Variants in ANKFY1 observed in about 807,000 individuals in gnomAD.
The protein encoded by ANKFY1 is ankyrin repeat and FYVE domain containing 1, also known as ankyrin repeat and FYVE domain-containing protein 1.
In ANKFY1, 47 loss-of-function variants were observed where a neutral mutation model predicts 128.3. That is an observed-to-expected ratio of 0.37 (90% CI 0.29 to 0.47). The LOEUF (loss-of-function observed/expected upper bound fraction) is 0.47, where lower values mean the gene tolerates loss of function less well. Among genes scored for constraint, ANKFY1 ranks in the 20% least tolerant of loss-of-function variants. ANKFY1 has a pLI of 1.00. For missense variants in ANKFY1, 1,222 were observed against 1,510.6 expected (o/e 0.81, Z 3.17); for synonymous variants, 553 against 601.6 (o/e 0.92, Z 1.18).
Position 4,206,100 on chromosome 17 carries a change from T to C in ANKFY1, c.898+221A>G, listed in dbSNP as rs534662013. On this transcript the variant is annotated intron_variant, in intron 7 of 24. Coordinates refer to ENST00000341657, the MANE Select transcript of ANKFY1 (RefSeq NM_001330063.2). ...AAGTACCATCTTTGTAGCCTTTCTT[T>C]CTGGGGCCCTGTTGGCACGGTGAAT... Among the ~76,000 whole-genome samples, 9 of 152,340 alleles carry C rather than the reference T, an allele frequency of 5.9e-5. No individual in the cohort carries two copies. The South Asian group carries it at 1.9e-3, about 32-fold the overall frequency.
chr17:4,177,268 G>C lies in ANKFY1; in HGVS notation c.2633C>G (p.Ala878Gly). 3 of 1,594,860 alleles carry C rather than the reference G, an allele frequency of 1.9e-6. No homozygotes were observed. In the South Asian group the frequency reaches 3.4e-5, roughly 18 times the overall value. The change falls in exon 19 of 25, where the codon GCA becomes GGA. Residue 878 changes from alanine to glycine, a missense_variant. Transcript: ENST00000341657. ...ACTTTCAATATCAGAGTTCTGAACTGCCACATGAAGGAAATTCCGGCCCTT... is the reference window on the plus strand; with the variant it reads ...ACTTTCAATATCAGAGTTCTGAACTCCCACATGAAGGAAATTCCGGCCCTT... ...DNKGRNFLHV[A>G]VQNSDIESVL...
chr17:4,218,872 G>A (rs1242130396), intron 3 of ANKFY1, among the ~76,000 whole-genome samples: 1 of 151,822 alleles, frequency 6.6e-6, no homozygotes, highest in Non-Finnish European at 1.5e-5. Context: ...GCAAGACCCT[G>A]TCTCAAAAAG....
At chr17:4,184,220 C>T (rs994841748) in intron 12 of ANKFY1, among the ~76,000 whole-genome samples, 5 of 152,130 alleles carry the variant, frequency 3.3e-5, no homozygotes, top group East Asian at 1.9e-4. Flanking sequence ...TTTCCTAGAA[C>T]GCAATCTTAA....
At chr17:4,261,693 G>A (rs1415977716) in intron 1 of ANKFY1, among the ~76,000 whole-genome samples, 1 of 152,242 alleles carries the variant, frequency 6.6e-6, no homozygotes, top group Non-Finnish European at 1.5e-5. Context: ...GAACCCGACT[G>A]CAAAGCACAG....
chr17:4,213,776 T>C (rs2060176896), intron 4 of ANKFY1, among the ~76,000 whole-genome samples: 1 of 152,082 alleles, frequency 6.6e-6, no homozygotes, highest in African/African-American at 2.4e-5. Flanking sequence ...GGTTTCACCA[T>C]GTTAGCCAGG....
At chr17:4,235,400 T>C (rs572258613) in intron 3 of ANKFY1, among the ~76,000 whole-genome samples, 26 of 151,866 alleles carry the variant, frequency 1.7e-4, no homozygotes, top group African/African-American at 5.3e-4. Context: ...TTTAAGCAAT[T>C]TGACAGCAGG....
rs749017250 is a variant in ANKFY1 at position 4,208,052 on chromosome 17, T to G, written c.613A>C (p.Met205Leu). The G allele has an allele frequency of 3.1e-6, 5 of 1,610,040 alleles. No homozygotes were observed. The East Asian group carries it at 1.1e-4, about 36-fold the overall frequency. ...DDLRKEDFSSMSAQLLYKMIK... is the reference protein window; with the variant it reads ...DDLRKEDFSSLSAQLLYKMIK... ...ATTTTGTATAACAACTGAGCGCTCA[T>G]GCTGCTGAAATCCTCCTTCCTCAGG... The change falls in exon 6 of 25, where the codon ATG (methionine) becomes CTG (leucine). Residue 205 changes from methionine to leucine, a missense_variant. Met to Leu is a conservative substitution (Grantham distance 15, BLOSUM62 2). Transcript: ENST00000341657.
chr17:4,217,086 G>A lies in ANKFY1; in HGVS notation c.355C>T (p.Arg119Cys), dbSNP rs1293589152. The stretch of plus-strand genomic sequence containing the variant: ...TCCAGCTCATCTGTATAGATCCAGC[G>A]AAGCATTGTCATCGTCACCTCAGGA... ...ANPEVTMTML[R>C]WIYTDELEFR... is the part of the protein sequence containing the mutation. Residue 119 changes from arginine to cysteine, a missense_variant, in exon 4 of 25, where the codon CGC (arginine) becomes TGC (cysteine). Transcript: ENST00000341657. The A allele has an allele frequency of 3.1e-6, 5 of 1,613,144 alleles. No homozygotes were observed. The highest frequency in any genetic ancestry group is 2.7e-5 in the African/African-American group (2 of 75,016).
At chr17:4,212,690 A>G (rs1436873314) in intron 4 of ANKFY1, among the ~76,000 whole-genome samples, 1 of 152,158 alleles carries the variant, frequency 6.6e-6, no homozygotes, top group African/African-American at 2.4e-5. Context: ...TAACAGACGT[A>G]GAAAAAGACC....
chr17:4,181,460 A>T lies in ANKFY1; in HGVS notation c.2122-88T>A. The T allele has an allele frequency of 1.2e-6, 1 of 848,670 alleles. No homozygotes were observed. The highest frequency in any genetic ancestry group is 2.0e-6 in the Non-Finnish European group (1 of 501,506). The allele number at this position is 848,670 out of a possible 1,614,324, so 52.6% of individuals were successfully genotyped here. ...AGTCTGAGCTCTATGTATAGCATTA[A>T]ATCCACTTTCAGATAAGATACGGTT... On this transcript the variant is annotated intron_variant, in intron 15 of 24. Coordinates refer to ENST00000341657, the MANE Select transcript of ANKFY1 (RefSeq NM_001330063.2). The surrounding 1 kb of genome is among the most constrained non-coding windows in gnomAD (Gnocchi z 4.9).
At chr17:4,172,235 C>G (rs1028168441) in intron 22 of ANKFY1, among the ~76,000 whole-genome samples, 2 of 152,150 alleles carry the variant, frequency 1.3e-5, no homozygotes, top group Non-Finnish European at 2.9e-5. Context: ...TATTTTCTTC[C>G]TCTGCTAGAA....
At chr17:4,196,487 C>T (rs1164532582) in intron 8 of ANKFY1, among the ~76,000 whole-genome samples, 3 of 152,126 alleles carry the variant, frequency 2.0e-5, no homozygotes, top group Non-Finnish European at 4.4e-5. Context: ...CTTCACAGCC[C>T]CTCACACCAC....
intron 2 of ANKFY1, 33 bp from the exon 3 acceptor site, chr17:4,235,923 A>G: frequency 6.7e-7 from 1 of 1,484,908 alleles, no homozygotes; most frequent in South Asian, 1.1e-5. Context: ...TATATTAGAA[A>G]AATGTCATCA....
chr17:4,194,707 C>T (rs2059785299), intron 10 of ANKFY1: 1 of 446,900 alleles, frequency 2.2e-6, no homozygotes, highest in Non-Finnish European at 4.1e-6. Flanking sequence ...TTAAGACGGT[C>T]AAAGGAATTC....
At chr17:4,174,162 C>G (rs911918763) in intron 19 of ANKFY1, 106 bp from the exon 20 acceptor site, 1 of 1,330,076 alleles carries the variant, frequency 7.5e-7, no homozygotes, top group East Asian at 2.4e-5. Context: ...GGCTGATGGC[C>G]TGCCCTGCTG....
At position 4,181,342 on chromosome 17, in the gene ANKFY1, C is replaced by A; in HGVS notation, c.2152G>T (p.Gly718Cys). The A allele has an allele frequency of 6.2e-7, 1 of 1,614,126 alleles. No individual in the cohort carries two copies. The highest frequency in any genetic ancestry group is 8.5e-7 in the Non-Finnish European group (1 of 1,180,010). The change falls in exon 16 of 25, where the codon GGT becomes TGT. Residue 718 changes from glycine to cysteine, a missense_variant. Coordinates refer to ENST00000341657, the MANE Select transcript of ANKFY1 (RefSeq NM_001330063.2). This position sits in a 1 kb window ranked among gnomAD's most constrained non-coding sequence, Gnocchi z 4.9. ...TGAAGGCACCCACCAGGTCCCGGACCCCAGCATGTGGCATCACAGCCATGT... is the reference window on the plus strand; with the variant it reads ...TGAAGGCACCCACCAGGTCCCGGACACCAGCATGTGGCATCACAGCCATGT... ...VRHGCDATCWGPGPGGCLQTL... is the reference protein window; with the variant it reads ...VRHGCDATCWCPGPGGCLQTL...
intron 3 of ANKFY1, among the ~76,000 whole-genome samples, chr17:4,226,419 A>G (rs2060426450): frequency 6.6e-6 from 1 of 152,222 alleles, no homozygotes; most frequent in East Asian, 1.9e-4. Flanking sequence ...CCCAGCTACT[A>G]AAAAATTCAC....
At chr17:4,215,623 C>T (rs1281971524) in intron 4 of ANKFY1, among the ~76,000 whole-genome samples, 1 of 152,144 alleles carries the variant, frequency 6.6e-6, no homozygotes. Flanking sequence ...GATAATAACT[C>T]GATACTCATA....
chr17:4,217,212 A>C, intron 3 of ANKFY1, 94 bp from the exon 4 acceptor site: 1 of 1,387,300 alleles, frequency 7.2e-7, no homozygotes, highest in Non-Finnish European at 9.9e-7. Flanking sequence ...AATAAAGTAA[A>C]TGACAGTATA....
Sources: allele counts gnomAD v4.1 joint callset (sites outside exome capture counted in the v4.1 genomes callset), GRCh38; gene constraint gnomAD v4.1.1; non-coding constraint Gnocchi (gnomAD v3.1); transcripts MANE v1.5; gene names NCBI Gene and HGNC (gene_info 2026-07-23, HGNC 2026-07-21).